ZNF397: variants seen among roughly 807,000 people sequenced by gnomAD.
The protein encoded by ZNF397 is zinc finger protein 397, also known as zinc finger and SCAN domain-containing protein 15.
ZNF397 carries 38 observed loss-of-function variants against 50.6 expected under a neutral mutation model. The ratio of observed to expected loss-of-function variants is 0.75; its 90% CI spans 0.58 to 0.98. The LOEUF (loss-of-function observed/expected upper bound fraction) is 0.98. ZNF397 is among the 50% of genes least tolerant of loss of function. The probability of loss-of-function intolerance (pLI) is 0.00; values close to 1 mark genes in which losing one functional copy is unlikely to be tolerated. For synonymous variants in ZNF397, 228 were observed against 215.2 expected (o/e 1.06, Z -0.52); for missense variants, 624 against 624.1 (o/e 1.00, Z 0.00).
At chr18:35,243,530 G>A (rs967130604) in intron 3 of ZNF397, 38 of 639,746 alleles carry the variant, frequency 5.9e-5, no homozygotes, top group South Asian at 2.1e-4. Context: ...TTTATAAAGC[G>A]TCAATACATG....
In ZNF397 at chr18:35,249,583, G is replaced by A. The variant is rs1209053700; in HGVS notation, c.*3273G>A. 6.7e-6 allele frequency: 1 copy of A among 149,022 alleles called. No homozygotes were observed. Among genetic ancestry groups the A allele is most frequent in the Non-Finnish European group, 1.5e-5 (1 of 67,542 alleles). The allele number at this position is 149,022 out of a possible 1,614,324, so 9.2% of individuals were successfully genotyped here. A position where few individuals can be genotyped will look rare whatever the true frequency, so the allele number is the denominator to read the frequency against. ...CAGGAGAATTGCATGAACCCGGGAG[G>A]TGGAGGTTGCAGTGAGCCGAGATTG... is the stretch of plus-strand genomic sequence containing the variant. On this transcript the variant is annotated 3_prime_UTR_variant, in exon 4 of 4. Coordinates refer to ENST00000330501, the MANE Select transcript of ZNF397 (RefSeq NM_001135178.3).
chr18:35,257,413 G>A (rs1391335383), intron 5 of ZNF397: 1 of 154,650 alleles, frequency 6.5e-6, no homozygotes, highest in African/African-American at 2.4e-5. Context: ...ATGGTATTAG[G>A]AAGTGCGGAC....
chr18:35,242,545 A>G lies in ZNF397; in HGVS notation c.75A>G (p.Lys25=). Residue 25 remains lysine, a synonymous_variant, in exon 2 of 4, where the codon AAA becomes AAG. Transcript: ENST00000330501. ...CGGAACAAGAACTAATACTAGTGAA[A>G]GTAGAAGATAACTTTTCCTGGGATG... is the stretch of plus-strand genomic sequence containing the variant. ...DPPEQELILV[K]VEDNFSWDEK... The G allele has an allele frequency of 6.2e-7, 1 of 1,614,204 alleles. No individual in the cohort carries two copies. The highest frequency in any genetic ancestry group is 8.5e-7 in the Non-Finnish European group (1 of 1,180,036).
chr18:35,245,145 G>A, intron 3 of ZNF397, 117 bp from the exon 4 acceptor site: 2 of 1,338,604 alleles, frequency 1.5e-6, no homozygotes, highest in Non-Finnish European at 2.0e-6. Context: ...TGAAAAAAAA[G>A]ATACTGGAGG....
intron 2 of ZNF397, 28 bp from the exon 3 acceptor site, chr18:35,243,124 A>G: frequency 6.2e-7 from 1 of 1,611,822 alleles, no homozygotes; most frequent in Admixed American, 1.7e-5. Flanking sequence ...ATTTTCTCAC[A>G]AAGCTAACCA....
At chr18:35,250,788 A>C (rs2043566378), downstream of ZNF397, among the ~76,000 whole-genome samples, 1 of 152,204 alleles carries the variant, frequency 6.6e-6, no homozygotes, top group African/African-American at 2.4e-5. Flanking sequence ...AATTCTGGTG[A>C]ACACAGGACG....
chr18:35,242,331 A>G (rs773514944), intron 1 of ZNF397, 60 bp from the exon 2 acceptor site: 110 of 757,548 alleles, frequency 1.5e-4, no homozygotes, highest in Non-Finnish European at 2.1e-4. Flanking sequence ...CATCTTTCTT[A>G]TTACAAGTAC....
At chr18:35,254,360 T>C (rs747107824), downstream of ZNF397, 27 of 1,613,812 alleles carry the variant, frequency 1.7e-5, no homozygotes, top group Middle Eastern at 1.6e-4. Flanking sequence ...CATCAACACT[T>C]TGCCAGCCAC....
chr18:35,253,801 G>A (rs755066019), downstream of ZNF397: 2 of 1,614,058 alleles, frequency 1.2e-6, 1 homozygote, highest in South Asian at 2.2e-5. Flanking sequence ...CTCCAGTGTG[G>A]ATTCTCCGAT....
chr18:35,249,363 T>G lies in ZNF397; in HGVS notation c.*3053T>G, dbSNP rs2043533528. ...AAAATCCTGAAACTCTTAAAACTGA[T>G]GTCACAGGCCAGGCACAGTGGCTCA... On this transcript the variant is annotated 3_prime_UTR_variant, in exon 4 of 4. Transcript: ENST00000330501. The G allele has an allele frequency of 6.6e-6, 1 of 152,120 alleles. No homozygotes were observed. The highest frequency in any genetic ancestry group is 6.5e-5 in the Admixed American group (1 of 15,268). The allele number at this position is 152,120 out of a possible 1,614,324, so 9.4% of individuals were successfully genotyped here. A position where few individuals can be genotyped will look rare whatever the true frequency, so the allele number is the denominator to read the frequency against.
intron 2 of ZNF397, 51 bp from the exon 3 acceptor site, chr18:35,243,101 A>C (rs371771964): frequency 8.7e-6 from 14 of 1,610,088 alleles, no homozygotes; most frequent in Admixed American, 8.4e-5. Flanking sequence ...TTACTAAGCA[A>C]GTTTTCTTAG....
In ZNF397 at chr18:35,245,626, T is replaced by C. The variant is rs1252171816; in HGVS notation, c.921T>C (p.His307=). The C allele has an allele frequency of 3.6e-5, 56 of 1,554,544 alleles. No homozygotes were observed. The Admixed American group carries it at 1.1e-3, about 29-fold the overall frequency. ...CTCTAACACAACATCAGAGAATCCA[T>C]ACTGGAGAAAAGCCCTATAAATGTA... is the stretch of plus-strand genomic sequence containing the variant. ...HSSLTQHQRI[H]TGEKPYKCNQ... Residue 307 remains histidine (H), a synonymous_variant, in exon 4 of 4, where the codon CAT becomes CAC. Coordinates refer to ENST00000330501, the MANE Select transcript of ZNF397 (RefSeq NM_001135178.3).
At position 35,247,020 on chromosome 18, in the gene ZNF397, G is replaced by A. The variant is rs2143608053; in HGVS notation, c.*710G>A. 2 of 921,400 alleles carry A rather than the reference G, an allele frequency of 2.2e-6. No homozygotes were observed. The highest frequency in any genetic ancestry group is 5.0e-5 in the South Asian group (1 of 19,978). 57.1% of individuals were successfully genotyped at this position (921,400 alleles called of 1,614,324 possible). A position where few individuals can be genotyped will look rare whatever the true frequency, so the allele number is the denominator to read the frequency against. ...CTCAGCCTTGGATAAGGAAATGGGG[G>A]AAATGGCCTGAAGGATGAGGAGGAG... On this transcript the variant is annotated 3_prime_UTR_variant, in exon 4 of 4. Transcript: ENST00000330501.
Position 35,249,496 on chromosome 18 carries a change from A to C in ZNF397, c.*3186A>C, listed in dbSNP as rs1232342273. On this transcript the variant is annotated 3_prime_UTR_variant, in exon 4 of 4. Coordinates refer to ENST00000330501, the MANE Select transcript of ZNF397 (RefSeq NM_001135178.3). Reference sequence around the variant, plus strand: ...GTGAAACCCCGTCTCTACTAAAAATACAAAACAATTAGCTGGTGTGGTGGC... The same window carrying C: ...GTGAAACCCCGTCTCTACTAAAAATCCAAAACAATTAGCTGGTGTGGTGGC... 1 of 151,986 alleles carries C rather than the reference A, an allele frequency of 6.6e-6. No homozygotes were observed. Among genetic ancestry groups the C allele is most frequent in the Non-Finnish European group, 1.5e-5 (1 of 67,996 alleles). 9.4% of individuals were successfully genotyped at this position (151,986 alleles called of 1,614,324 possible).
downstream of ZNF397, chr18:35,253,708 T>G (rs377693478): frequency 3.5e-5 from 56 of 1,613,996 alleles, no homozygotes; most frequent in African/African-American, 7.2e-4. Flanking sequence ...AGCTTTTATC[T>G]CCAGTGTGAA....
downstream of ZNF397, among the ~76,000 whole-genome samples, chr18:35,250,650 A>G (rs2043562979): frequency 6.6e-6 from 1 of 152,212 alleles, no homozygotes; most frequent in South Asian, 2.1e-4. Context: ...AGCTCATTGA[A>G]GACCTGCTGA....
downstream of ZNF397, among the ~76,000 whole-genome samples, chr18:35,250,196 GATT>G (rs1299814193): frequency 4.6e-5 from 7 of 152,188 alleles, no homozygotes; most frequent in South Asian, 2.1e-4. Flanking sequence ...GGAGATCTTT[GATT>G]ATTAGAGTTT....
At chr18:35,243,423 C>A (rs1004632176) in intron 3 of ZNF397, 130 bp downstream of exon 3, 12 of 1,357,118 alleles carry the variant, frequency 8.8e-6, no homozygotes, top group Non-Finnish European at 1.2e-5. Context: ...CAGAGGTGCT[C>A]GCTTTAGCGG....
In ZNF397 at chr18:35,248,480, G is replaced by A. The variant is rs1020903601; in HGVS notation, c.*2170G>A. ...CCTGAACAAACTGAAAAGGTAGGACGTAAAGTAGGAATTGTAAAACGGAAA... is the reference window on the plus strand; with the variant it reads ...CCTGAACAAACTGAAAAGGTAGGACATAAAGTAGGAATTGTAAAACGGAAA... On this transcript the variant is annotated 3_prime_UTR_variant, in exon 4 of 4. Transcript: ENST00000330501. The A allele has an allele frequency of 4.6e-5, 7 of 152,132 alleles. No individual in the cohort carries two copies. The highest frequency in any genetic ancestry group is 2.4e-5 in the African/African-American group (1 of 41,430). 9.4% of individuals were successfully genotyped at this position (152,132 alleles called of 1,614,324 possible).
Sources: gnomAD v4.1 joint callset for allele counts (sites outside exome capture counted in the v4.1 genomes callset) on GRCh38, gnomAD v4.1.1 for gene constraint, MANE v1.5 for transcripts, NCBI Gene and HGNC (gene_info 2026-07-23, HGNC 2026-07-21) for gene names.